Variants in PRKG1 observed in about 807,000 individuals in gnomAD.
The protein encoded by PRKG1 is cGMP-dependent protein kinase 1.
A neutral mutation model predicts 88.1 loss-of-function variants in PRKG1; 35 were observed. The ratio of observed to expected loss-of-function variants is 0.40; its 90% CI spans 0.30 to 0.53. The LOEUF is 0.53. PRKG1 is among the 20% of genes least tolerant of loss of function. PRKG1 has a pLI of 0.59. For synonymous variants in PRKG1, 303 were observed against 292.5 expected (o/e 1.04, Z -0.37); for missense variants, 540 against 839.8 (o/e 0.64, Z 4.41).
At chr10:51,774,561 C>A (rs1316094573) in intron 3 of PRKG1, among the ~76,000 whole-genome samples, 1 of 151,994 alleles carries the variant, frequency 6.6e-6, no homozygotes, top group African/African-American at 2.4e-5. Context: ...TATGCTTACT[C>A]TTCACACAAT....
At chr10:51,935,872 C>T (rs542858733) in intron 5 of PRKG1, among the ~76,000 whole-genome samples, 6 of 152,176 alleles carry the variant, frequency 3.9e-5, no homozygotes, top group African/African-American at 1.2e-4. Flanking sequence ...TACTTTGTTA[C>T]ATTAATATGC....
chr10:51,773,287 A>G (rs964721866), intron 3 of PRKG1, among the ~76,000 whole-genome samples: 13 of 152,092 alleles, frequency 8.5e-5, no homozygotes, highest in East Asian at 7.7e-4. Context: ...TCGATTTAAT[A>G]TCTCACAAAA....
intron 2 of PRKG1, among the ~76,000 whole-genome samples, chr10:51,281,568 G>C (rs1051240495): frequency 6.6e-6 from 1 of 152,118 alleles, no homozygotes; most frequent in African/African-American, 2.4e-5. Context: ...GCTCGAACTG[G>C]GTGGAGCCCA....
At chr10:51,572,547 T>G (rs1837783683) in intron 3 of PRKG1, among the ~76,000 whole-genome samples, 1 of 151,876 alleles carries the variant, frequency 6.6e-6, no homozygotes, top group South Asian at 2.1e-4. Flanking sequence ...AGCCACACAA[T>G]GGATTAATTC....
chr10:51,570,067 A>ATATATATG (rs1491310201), intron 3 of PRKG1, among the ~76,000 whole-genome samples: 18 of 113,110 alleles, frequency 1.6e-4, no homozygotes, highest in South Asian at 1.1e-3. Context: ...ATATATATAT[A>ATATATATG]TGTGTGTGTG....
At chr10:51,397,185 T>G (rs1318135253) in intron 2 of PRKG1, among the ~76,000 whole-genome samples, 2 of 151,350 alleles carry the variant, frequency 1.3e-5, no homozygotes, top group African/African-American at 2.4e-5. Context: ...GTGCTTCACT[T>G]CCTACATTGT....
intron 2 of PRKG1, among the ~76,000 whole-genome samples, chr10:51,271,573 CT>C (rs1413103823): frequency 6.6e-6 from 1 of 152,116 alleles, no homozygotes; most frequent in Non-Finnish European, 1.5e-5. Flanking sequence ...ATCTAGATGG[CT>C]TTTACTCTCA....
At chr10:51,454,256 A>G (rs1839518654) in intron 2 of PRKG1, among the ~76,000 whole-genome samples, 1 of 152,040 alleles carries the variant, frequency 6.6e-6, no homozygotes, top group South Asian at 2.1e-4. Flanking sequence ...CCTAAAATTT[A>G]TATGGAACTA....
At chr10:52,127,962 C>T (rs1179679891) in intron 7 of PRKG1, 1 of 927,966 alleles carries the variant, frequency 1.1e-6, no homozygotes, top group African/African-American at 1.8e-5. Context: ...GATTTACCAC[C>T]AACTCTACAA....
At chr10:51,406,406 C>T (rs1837916822) in intron 2 of PRKG1, among the ~76,000 whole-genome samples, 1 of 152,106 alleles carries the variant, frequency 6.6e-6, no homozygotes, top group African/African-American at 2.4e-5. Context: ...AGATGAAACC[C>T]AGGCGAGATG....
At chr10:51,052,006 A>T (rs1171180285) in intron 1 of PRKG1, among the ~76,000 whole-genome samples, 1 of 152,184 alleles carries the variant, frequency 6.6e-6, no homozygotes, top group Non-Finnish European at 1.5e-5. Flanking sequence ...GGTAACAGAA[A>T]AAAGATAAAG....
intron 4 of PRKG1, among the ~76,000 whole-genome samples, chr10:51,900,002 C>T (rs376879018): frequency 7.9e-5 from 12 of 152,180 alleles, no homozygotes; most frequent in African/African-American, 2.9e-4. Context: ...TTGTCTTCCA[C>T]CATATTTTAA....
intron 7 of PRKG1, among the ~76,000 whole-genome samples, chr10:52,108,406 C>T (rs1847475959): frequency 6.6e-6 from 1 of 152,130 alleles, no homozygotes; most frequent in South Asian, 2.1e-4. Context: ...CAGTGATGTA[C>T]ACCATGATGA....
chr10:51,025,873 C>T (rs943423754), intron 1 of PRKG1, among the ~76,000 whole-genome samples: 35 of 152,096 alleles, frequency 2.3e-4, no homozygotes, highest in Non-Finnish European at 4.4e-5. Context: ...GCAGTCCTAA[C>T]CCCCAGTACC....
At chr10:51,879,476 T>G (rs542905147) in intron 4 of PRKG1, among the ~76,000 whole-genome samples, 1 of 152,132 alleles carries the variant, frequency 6.6e-6, no homozygotes. Flanking sequence ...TAAAGTGCTG[T>G]AAGAGCCTGA....
chr10:51,457,945 C>T (rs1296011679), intron 2 of PRKG1, among the ~76,000 whole-genome samples: 1 of 152,094 alleles, frequency 6.6e-6, no homozygotes, highest in Non-Finnish European at 1.5e-5. Context: ...CCCAACCTGC[C>T]CCAGGCCATT....
At chr10:52,000,192 G>C (rs1266462410) in intron 5 of PRKG1, among the ~76,000 whole-genome samples, 3 of 151,934 alleles carry the variant, frequency 2.0e-5, no homozygotes, top group Non-Finnish European at 2.9e-5. Flanking sequence ...TTTGACTTCT[G>C]TTTAGCTGCA....
intron 7 of PRKG1, among the ~76,000 whole-genome samples, chr10:52,099,470 C>T (rs546535818): frequency 1.1e-4 from 17 of 152,140 alleles, no homozygotes; most frequent in Non-Finnish European, 2.4e-4. Context: ...TATGAAGACA[C>T]TATGTCACAC....
chr10:51,195,710 G>A (rs754948809), intron 2 of PRKG1, among the ~76,000 whole-genome samples: 3 of 152,030 alleles, frequency 2.0e-5, no homozygotes, highest in East Asian at 1.9e-4. Flanking sequence ...ATGGTTGTTC[G>A]GGTATACAAT....
Sources: gnomAD v4.1 joint callset for allele counts (sites outside exome capture counted in the v4.1 genomes callset) on GRCh38, gnomAD v4.1.1 for gene constraint, MANE v1.5 for transcripts, NCBI Gene and HGNC (gene_info 2026-07-23, HGNC 2026-07-21) for gene names.